C3orf33: variants seen among roughly 807,000 people sequenced by gnomAD.
The protein encoded by C3orf33 is mitochondrial inner membrane subdomain organizer 1.
In C3orf33, 23 loss-of-function variants were observed where a neutral mutation model predicts 28.7. That is an observed-to-expected ratio of 0.80 (90% CI 0.58 to 1.13). The LOEUF (loss-of-function observed/expected upper bound fraction) is 1.13, where lower values mean the gene tolerates loss of function less well. Among genes scored for constraint, C3orf33 ranks in the 50% most tolerant of loss-of-function variants. C3orf33 has a pLI of 0.00. For synonymous variants in C3orf33, 119 were observed against 120.5 expected, an observed-to-expected ratio of 0.99 and a Z score of 0.08; for missense variants, 327 against 353.4, an observed-to-expected ratio of 0.93 and a Z score of 0.60.
At chr3:155,793,425 C>T (rs956636449) in intron 2 of C3orf33, among the ~76,000 whole-genome samples, 1 of 149,886 alleles carries the variant, frequency 6.7e-6, no homozygotes, top group Non-Finnish European at 1.5e-5. Context: ...TAAGAAATCA[C>T]CTGAAGGTAC....
At chr3:155,802,118 GA>G (rs1433980059) in intron 2 of C3orf33, among the ~76,000 whole-genome samples, 2 of 152,134 alleles carry the variant, frequency 1.3e-5, no homozygotes, top group Non-Finnish European at 2.9e-5. Flanking sequence ...ATTATTGAAA[GA>G]AATAAGAAAA....
chr3:155,777,174 C>T (rs941702414), intron 2 of C3orf33, among the ~76,000 whole-genome samples: 10 of 151,930 alleles, frequency 6.6e-5, no homozygotes, highest in Admixed American at 2.0e-4. Context: ...ATTAGTCGGG[C>T]GTGGTGGTGC....
intron 2 of C3orf33, among the ~76,000 whole-genome samples, chr3:155,780,487 T>C (rs1750885138): frequency 6.6e-6 from 1 of 152,248 alleles, no homozygotes; most frequent in African/African-American, 2.4e-5. Flanking sequence ...ATTATGTTTA[T>C]AAAGTGCTGG....
chr3:155,762,902 C>G lies in C3orf33; in HGVS notation c.*615G>C, dbSNP rs1455519692. ...AAAAAGCCGGGCTTGGTAGCTCACGCCTGTAATCCCAGCACTTTAGGATGC... is the reference window on the plus strand; with the variant it reads ...AAAAAGCCGGGCTTGGTAGCTCACGGCTGTAATCCCAGCACTTTAGGATGC... On this transcript the variant is annotated 3_prime_UTR_variant, in exon 5 of 5. Coordinates refer to ENST00000340171, the MANE Select transcript of C3orf33 (RefSeq NM_001308229.2). 1 of 151,788 alleles carries G rather than the reference C, an allele frequency of 6.6e-6. No homozygotes were observed. The highest frequency in any genetic ancestry group is 1.5e-5 in the Non-Finnish European group (1 of 68,034). The allele number at this position is 151,788 out of a possible 1,614,324, so 9.4% of individuals were successfully genotyped here. A position where few individuals can be genotyped will look rare whatever the true frequency, so the allele number is the denominator to read the frequency against.
rs537752772 is a variant in C3orf33 at position 155,769,413 on chromosome 3, A to G, written c.323-1744T>C. ...TGAGGCACGAGAATCACTTCAATCT[A>G]GGAGGCAGAAGCTGAAGTGAGCCAA... On this transcript the variant is annotated intron_variant, in intron 3 of 4. Transcript: ENST00000340171. Among the ~76,000 whole-genome samples the G allele has an allele frequency of 2.7e-5, 4 of 148,330 alleles. No individual in the cohort carries two copies. The East Asian group carries it at 8.1e-4, about 30-fold the overall frequency.
At chr3:155,781,687 T>A (rs368776126) in intron 2 of C3orf33, among the ~76,000 whole-genome samples, 40 of 146,230 alleles carry the variant, frequency 2.7e-4, no homozygotes, top group African/African-American at 1.0e-3. Context: ...GAGAATTGTT[T>A]GAACCCAGGA....
intron 4 of C3orf33, among the ~76,000 whole-genome samples, chr3:155,766,358 G>A (rs1008826787): frequency 1.3e-5 from 2 of 152,170 alleles, no homozygotes; most frequent in African/African-American, 2.4e-5. Flanking sequence ...CAATGGCTAT[G>A]GCCAATCATA....
chr3:155,796,974 T>G (rs923985780), intron 2 of C3orf33, among the ~76,000 whole-genome samples: 2 of 152,180 alleles, frequency 1.3e-5, no homozygotes, highest in African/African-American at 4.8e-5. Context: ...GCAGATCACC[T>G]GAAGTCAGGA....
chr3:155,779,299 TTTTC>T (rs1291828963), intron 2 of C3orf33, among the ~76,000 whole-genome samples: 1 of 151,864 alleles, frequency 6.6e-6, no homozygotes, highest in Non-Finnish European at 1.5e-5. Context: ...CTGGGATCTT[TTTTC>T]TTTTTTTTTG....
intron 2 of C3orf33, among the ~76,000 whole-genome samples, chr3:155,795,817 G>A (rs1751459792): frequency 6.6e-6 from 1 of 151,914 alleles, no homozygotes; most frequent in African/African-American, 2.4e-5. Flanking sequence ...TTAGCCAGAT[G>A]TGGTGGTGCA....
Position 155,775,806 on chromosome 3 carries a change from T to C in C3orf33, c.217A>G (p.Ile73Val), listed in dbSNP as rs373917613. Residue 73 changes from isoleucine (I) to valine (V), a missense_variant, in exon 3 of 5, where the codon ATA (isoleucine) becomes GTA (valine). Physicochemically the swap from Ile to Val is conservative, Grantham distance 29. Transcript: ENST00000340171. ...TSSSDIPVEF[I>V]RRNVKLRGRL... ...CCACGTAGTTTAACATTTCTTCTTA[T>C]AAATTCTACTGGAATATCCGAAGAG... is the stretch of plus-strand genomic sequence containing the variant. 67 of 1,598,438 alleles carry C rather than the reference T, an allele frequency of 4.2e-5. No individual in the cohort carries two copies. The highest frequency in any genetic ancestry group is 5.3e-5 in the Non-Finnish European group (62 of 1,167,842).
intron 2 of C3orf33, among the ~76,000 whole-genome samples, chr3:155,784,675 G>A (rs1308825460): frequency 1.3e-5 from 2 of 151,788 alleles, no homozygotes; most frequent in African/African-American, 2.4e-5. Context: ...GGGAGGTGCC[G>A]AGATGGCACC....
intron 2 of C3orf33, among the ~76,000 whole-genome samples, chr3:155,786,204 T>C (rs1371606128): frequency 2.0e-5 from 3 of 151,366 alleles, no homozygotes; most frequent in African/African-American, 7.3e-5. Flanking sequence ...AACTTTATAA[T>C]TTAAGGAAAT....
intron 2 of C3orf33, among the ~76,000 whole-genome samples, chr3:155,778,591 T>C (rs1408630866): frequency 6.6e-6 from 1 of 152,174 alleles, no homozygotes; most frequent in Middle Eastern, 3.2e-3. Context: ...ACTGTCAATA[T>C]TCACTCAAGA....
At chr3:155,782,146 C>A (rs1404386761) in intron 2 of C3orf33, among the ~76,000 whole-genome samples, 1 of 140,780 alleles carries the variant, frequency 7.1e-6, no homozygotes, top group Non-Finnish European at 1.5e-5. Flanking sequence ...CCAGCCTGGG[C>A]GACAAAGCAA....
intron 2 of C3orf33, among the ~76,000 whole-genome samples, chr3:155,783,369 G>A (rs1425340865): frequency 6.6e-6 from 1 of 151,860 alleles, no homozygotes. Flanking sequence ...TGGCCAGGCT[G>A]GTCTTGAACT....
chr3:155,805,158 TAAA>T (rs57906262), intron 1 of C3orf33, among the ~76,000 whole-genome samples: 1 of 141,738 alleles, frequency 7.1e-6, no homozygotes, highest in Non-Finnish European at 1.5e-5. Flanking sequence ...GTGCTTCACT[TAAA>T]AAAAAAAAAA....
intron 2 of C3orf33, among the ~76,000 whole-genome samples, chr3:155,778,531 T>C (rs535507812): frequency 6.0e-4 from 92 of 152,286 alleles, no homozygotes; most frequent in African/African-American, 2.1e-3. Context: ...AAAATGAATG[T>C]GACAAAATTT....
intron 2 of C3orf33, among the ~76,000 whole-genome samples, chr3:155,786,326 G>GTTT (rs1559995157): frequency 6.6e-6 from 1 of 151,920 alleles, no homozygotes. Context: ...GAAACTAAAA[G>GTTT]TTGGTTCTTC....
Sources: allele counts gnomAD v4.1 joint callset (sites outside exome capture counted in the v4.1 genomes callset), GRCh38; gene constraint gnomAD v4.1.1; transcripts MANE v1.5; gene names NCBI Gene and HGNC (gene_info 2026-07-23, HGNC 2026-07-21).